Variants in ZFR2 observed in about 807,000 individuals in gnomAD.
ZFR2 encodes zinc finger RNA-binding protein 2.
A neutral mutation model predicts 105.7 loss-of-function variants in ZFR2; 104 were observed. That is an observed-to-expected ratio of 0.98 (90% confidence interval 0.84 to 1.16). The LOEUF is 1.16. Among genes scored for constraint, ZFR2 ranks in the 50% most tolerant of loss-of-function variants. The pLI is 0.00. For synonymous variants in ZFR2, 634 were observed against 597.7 expected (o/e 1.06, Z -0.89); for missense variants, 1,425 against 1,355.5 (o/e 1.05, Z -0.80).
At chr19:3,816,046 C>T (rs773614132) in intron 13 of ZFR2, among the ~76,000 whole-genome samples, 10 of 151,120 alleles carry the variant, frequency 6.6e-5, no homozygotes, top group Non-Finnish European at 1.2e-4. Flanking sequence ...TGAGCCACCC[C>T]GGCTGGCCCA....
At chr19:3,848,291 A>G (rs2038203372) in intron 1 of ZFR2, among the ~76,000 whole-genome samples, 1 of 151,606 alleles carries the variant, frequency 6.6e-6, no homozygotes, top group African/African-American at 2.4e-5. Flanking sequence ...GGGCGCCCGT[A>G]ATCCCAGCTA....
At chr19:3,822,376 G>A (rs973476610) in intron 8 of ZFR2, among the ~76,000 whole-genome samples, 176 bp from the exon 9 acceptor site, 1 of 151,834 alleles carries the variant, frequency 6.6e-6, no homozygotes, top group East Asian at 2.0e-4. Context: ...ACAGTGGCTC[G>A]GTCTTGGCTC....
rs1360830857 is a variant in ZFR2, at chr19:3,868,911, C to T, written c.53+54G>A. On this transcript the variant is annotated intron_variant, in intron 1 of 18. Transcript: ENST00000262961. The stretch of plus-strand genomic sequence containing the variant: ...GCGGGAGAAGGGGTAGGCGGGGTCC[C>T]GGCCAGGCTGCAGGGGCCGGGACTG... 7 of 1,238,190 alleles carry T rather than the reference C, an allele frequency of 5.7e-6. No homozygotes were observed. The East Asian group carries it at 1.9e-4, about 34-fold the overall frequency. 76.7% of individuals were successfully genotyped at this position (1,238,190 alleles called of 1,614,324 possible). A position where few individuals can be genotyped will look rare whatever the true frequency, so the allele number is the denominator to read the frequency against.
chr19:3,818,979 C>A, intron 12 of ZFR2, 66 bp downstream of exon 12: 10 of 1,547,090 alleles, frequency 6.5e-6, no homozygotes, highest in Non-Finnish European at 8.7e-6. Context: ...TGCAGGGTCT[C>A]GTCCCGAGGA....
intron 6 of ZFR2, among the ~76,000 whole-genome samples, chr19:3,827,190 CGA>C (rs1450597623): frequency 6.6e-6 from 1 of 152,086 alleles, no homozygotes; most frequent in African/African-American, 2.4e-5. Context: ...TGCAGTGAGC[CGA>C]GATTGTGCCC....
Position 3,866,133 on chromosome 19 carries a change from G to A in ZFR2, c.53+2832C>T, listed in dbSNP as rs149535158. ...CTGGGTTTACAGGCTGAGTCACCGCGCCTGGCCAAAACATACGTACTTTAA... is the reference window on the plus strand; with the variant it reads ...CTGGGTTTACAGGCTGAGTCACCGCACCTGGCCAAAACATACGTACTTTAA... On this transcript the variant is annotated intron_variant, in intron 1 of 18. Transcript: ENST00000262961. Among the ~76,000 whole-genome samples the A allele has an allele frequency of 7.2e-3, 1,097 of 152,154 alleles. 12 individuals carry two copies. Among genetic ancestry groups the A allele is most frequent in the Non-Finnish European group, 0.01 (709 of 68,000 alleles).
intron 3 of ZFR2, among the ~76,000 whole-genome samples, chr19:3,832,947 T>C (rs1471069589): frequency 6.7e-6 from 1 of 149,330 alleles, no homozygotes; most frequent in Non-Finnish European, 1.5e-5. Context: ...GCCTCTAGGA[T>C]GGTTAACATG....
At position 3,827,473 on chromosome 19, in the gene ZFR2, T is replaced by G; in HGVS notation, c.1033A>C (p.Lys345Gln). 6.5e-7 allele frequency: 1 copy of G among 1,546,714 alleles called. No individual in the cohort carries two copies. Among genetic ancestry groups the G allele is most frequent in the African/African-American group, 1.4e-5 (1 of 72,986 alleles). The change falls in exon 6 of 19, where the codon AAG becomes CAG. Residue 345 changes from lysine (K) to glutamine (Q), a missense_variant and splice_region_variant. Transcript: ENST00000262961. ...AAHIRGSKHQ[K>Q]VFKLHAKLGK... ...GCCTGGGCCGGGCGGGGCCGTACCT[T>G]CTGGTGCTTGGATCCCCGGATGTGG... is the stretch of plus-strand genomic sequence containing the variant.
At chr19:3,828,387 T>A (rs2037975807) in intron 5 of ZFR2, among the ~76,000 whole-genome samples, 1 of 152,190 alleles carries the variant, frequency 6.6e-6, no homozygotes, top group Non-Finnish European at 1.5e-5. Flanking sequence ...TCTTCCTTCT[T>A]CTGGAATTCA....
At position 3,829,660 on chromosome 19, in the gene ZFR2, G is replaced by A. The variant is rs963051856; in HGVS notation, c.852+1643C>T. Reference sequence around the variant, plus strand: ...TCAAAGTGGCCAGGACTATAGGTGCGTACCACCATGCCCAGCTAATTTTTA... The same window carrying A: ...TCAAAGTGGCCAGGACTATAGGTGCATACCACCATGCCCAGCTAATTTTTA... On this transcript the variant is annotated intron_variant, in intron 5 of 18. Transcript: ENST00000262961. Among the ~76,000 whole-genome samples, 13 of 152,194 alleles carry A rather than the reference G, an allele frequency of 8.5e-5. 1 individual carries two copies. Among genetic ancestry groups the A allele is most frequent in the East Asian group, 3.9e-4 (2 of 5,168 alleles).
chr19:3,810,170 G>C (rs563651871), intron 16 of ZFR2, among the ~76,000 whole-genome samples: 8 of 152,106 alleles, frequency 5.3e-5, no homozygotes, highest in South Asian at 2.1e-4. Context: ...CCCGCAGGGC[G>C]GGGGGGAGGC....
intron 1 of ZFR2, among the ~76,000 whole-genome samples, chr19:3,846,175 C>T (rs1428749916): frequency 6.6e-6 from 1 of 152,222 alleles, no homozygotes; most frequent in Non-Finnish European, 1.5e-5. Flanking sequence ...CGGGGTTTCA[C>T]CATGTTGGCC....
Position 3,833,707 on chromosome 19 carries a change from G to T in ZFR2, c.336C>A (p.Ala112=). The change falls in exon 3 of 19, where the codon GCC becomes GCA. Residue 112 remains alanine (A), a synonymous_variant. Coordinates refer to ENST00000262961, the MANE Select transcript of ZFR2 (RefSeq NM_015174.2). ...CGGCTGTCATGCGCCCAGACTGGAG[G>T]GCAGCAGACTGGAAGTACGGCCTGT... ...YEDRPYFQSA[A]LQSGRMTAAD... 1 of 1,577,896 alleles carries T rather than the reference G, an allele frequency of 6.3e-7. No homozygotes were observed.
intron 1 of ZFR2, among the ~76,000 whole-genome samples, chr19:3,840,770 G>A (rs1363774548): frequency 6.6e-6 from 1 of 152,042 alleles, no homozygotes; most frequent in Non-Finnish European, 1.5e-5. Context: ...GGCCTTATGC[G>A]ATCCTCCTGC....
chr19:3,821,330 A>G lies in ZFR2; in HGVS notation c.1631+10T>C. 1 of 1,576,378 alleles carries G rather than the reference A, an allele frequency of 6.3e-7. No individual in the cohort carries two copies. The highest frequency in any genetic ancestry group is 8.6e-7 in the Non-Finnish European group (1 of 1,165,184). On this transcript the variant is annotated intron_variant, in intron 10 of 18. Coordinates refer to ENST00000262961, the MANE Select transcript of ZFR2 (RefSeq NM_015174.2). ...ACCAGGCCCCCTTGCCAAGACCCGCAGCCGGGCACCTCCTCTCCGCGTGCC... is the reference window on the plus strand; with the variant it reads ...ACCAGGCCCCCTTGCCAAGACCCGCGGCCGGGCACCTCCTCTCCGCGTGCC...
chr19:3,830,724 C>G (rs2038002679), intron 5 of ZFR2, among the ~76,000 whole-genome samples: 1 of 152,000 alleles, frequency 6.6e-6, no homozygotes, highest in Non-Finnish European at 1.5e-5. Context: ...AAAAGAAGAT[C>G]AGGGTGTGTG....
At chr19:3,862,303 G>T (rs921111017) in intron 1 of ZFR2, among the ~76,000 whole-genome samples, 4 of 152,056 alleles carry the variant, frequency 2.6e-5, no homozygotes, top group African/African-American at 9.7e-5. Context: ...CTAACTTTTG[G>T]TTCTTTTCTT....
At chr19:3,831,117 ACACT>A (rs373154469) in intron 5 of ZFR2, among the ~76,000 whole-genome samples, 182 bp downstream of exon 5, 359 of 152,188 alleles carry the variant, frequency 2.4e-3, no homozygotes, top group African/African-American at 8.4e-3. Flanking sequence ...GCACACATAC[ACACT>A]CACACTTGCA....
At chr19:3,818,595 C>G (rs2037850880) in intron 12 of ZFR2, among the ~76,000 whole-genome samples, 1 of 152,198 alleles carries the variant, frequency 6.6e-6, no homozygotes, top group Admixed American at 6.5e-5. Flanking sequence ...GACGTGGGGA[C>G]TTTCTCACTT....
Sources: allele counts gnomAD v4.1 joint callset (sites outside exome capture counted in the v4.1 genomes callset), GRCh38; gene constraint gnomAD v4.1.1; transcripts MANE v1.5; gene names NCBI Gene and HGNC (gene_info 2026-07-23, HGNC 2026-07-21).